The following KPNA3 variants were observed in gnomAD, a reference collection of about 807,000 sequenced individuals.
KPNA3 encodes karyopherin subunit alpha 3.
A neutral mutation model predicts 73.8 loss-of-function variants in KPNA3; 13 were observed. The ratio of observed to expected loss-of-function variants is 0.18; its 90% CI spans 0.11 to 0.28. The LOEUF (loss-of-function observed/expected upper bound fraction) is 0.28, where lower values mean the gene tolerates loss of function less well. KPNA3 is among the 10% of genes least tolerant of loss of function. The probability of loss-of-function intolerance (pLI) is 1.00; values close to 1 mark genes in which losing one functional copy is unlikely to be tolerated. For missense variants in KPNA3, 360 were observed against 618.1 expected, an observed-to-expected ratio of 0.58 and a Z score of 4.43; for synonymous variants, 186 against 206.9, an observed-to-expected ratio of 0.90 and a Z score of 0.87.
At chr13:49,788,995 G>GT (rs903100244) in intron 1 of KPNA3, among the ~76,000 whole-genome samples, 3 of 152,038 alleles carry the variant, frequency 2.0e-5, no homozygotes, top group Non-Finnish European at 4.4e-5. Context: ...CTCATTCCAG[G>GT]TTGTAGCCAT....
intron 2 of KPNA3, among the ~76,000 whole-genome samples, chr13:49,746,191 G>A (rs1954615726): frequency 6.6e-6 from 1 of 152,130 alleles, no homozygotes; most frequent in Admixed American, 6.5e-5. Flanking sequence ...GGCCAGGCAT[G>A]GCAGCTCACG....
intron 1 of KPNA3, among the ~76,000 whole-genome samples, chr13:49,785,148 T>G (rs1594465524): frequency 1.3e-5 from 2 of 150,338 alleles, no homozygotes. Flanking sequence ...CTTAAGGGGG[T>G]GGGGGAGGAA....
intron 15 of KPNA3, among the ~76,000 whole-genome samples, chr13:49,703,187 T>C (rs868868606): frequency 7.4e-4 from 99 of 133,352 alleles, no homozygotes; most frequent in African/African-American, 1.9e-3. Flanking sequence ...TTCTTTCTTT[T>C]TTTTTTTTTT....
intron 1 of KPNA3, among the ~76,000 whole-genome samples, chr13:49,771,175 A>G (rs1475423566): frequency 6.6e-6 from 1 of 151,978 alleles, no homozygotes; most frequent in Non-Finnish European, 1.5e-5. Context: ...AAAGAATAGA[A>G]AAAAAGAAAA....
intron 1 of KPNA3, among the ~76,000 whole-genome samples, chr13:49,782,780 C>A (rs1032960835): frequency 1.3e-5 from 2 of 151,424 alleles, no homozygotes; most frequent in South Asian, 4.2e-4. Context: ...GAGGATCACT[C>A]GAGCCTGGGA....
intron 15 of KPNA3, among the ~76,000 whole-genome samples, chr13:49,704,193 G>A (rs563567708): frequency 2.1e-4 from 32 of 152,130 alleles, no homozygotes; most frequent in African/African-American, 6.5e-4. Context: ...AAGCCGAGGC[G>A]GGCAGATCAC....
At chr13:49,760,205 T>C (rs2137581653) in intron 1 of KPNA3, among the ~76,000 whole-genome samples, 1 of 150,240 alleles carries the variant, frequency 6.7e-6, no homozygotes, top group African/African-American at 2.4e-5. Flanking sequence ...AGCTCAGGAG[T>C]TCAAGACCAG....
At chr13:49,702,523 G>A (rs753027452) in intron 15 of KPNA3, 43 bp from the exon 16 acceptor site, 3 of 1,037,588 alleles carry the variant, frequency 2.9e-6, no homozygotes, top group Admixed American at 2.1e-5. Flanking sequence ...TAATTGATAA[G>A]GAGATACTAA....
At chr13:49,722,244 G>T in intron 8 of KPNA3, 120 bp from the exon 9 acceptor site, 1 of 756,288 alleles carries the variant, frequency 1.3e-6, no homozygotes, top group Non-Finnish European at 2.0e-6. Flanking sequence ...TTAGTCAAAG[G>T]CATCAAGTGT....
chr13:49,765,369 A>G (rs932254068), intron 1 of KPNA3, among the ~76,000 whole-genome samples: 3 of 152,248 alleles, frequency 2.0e-5, no homozygotes, highest in African/African-American at 7.2e-5. Flanking sequence ...TCAATACAGC[A>G]ATGTGGAACC....
chr13:49,744,590 T>C (rs1290155057), intron 2 of KPNA3, among the ~76,000 whole-genome samples: 1 of 152,204 alleles, frequency 6.6e-6, no homozygotes, highest in Non-Finnish European at 1.5e-5. Flanking sequence ...GAAAATATTC[T>C]ATGTTGTGAG....
At chr13:49,724,449 G>A (rs1222763812) in intron 7 of KPNA3, among the ~76,000 whole-genome samples, 6 of 151,708 alleles carry the variant, frequency 4.0e-5, no homozygotes, top group African/African-American at 1.5e-4. Context: ...GACTACAGGC[G>A]CCCGCCACCA....
At chr13:49,791,093 G>A (rs1955029226) in intron 1 of KPNA3, among the ~76,000 whole-genome samples, 2 of 152,160 alleles carry the variant, frequency 1.3e-5, no homozygotes, top group Non-Finnish European at 2.9e-5. Context: ...TCATTTAAAT[G>A]GGAATTCCAC....
chr13:49,734,938 T>TAG (rs1377926602), intron 2 of KPNA3, among the ~76,000 whole-genome samples: 149 of 146,704 alleles, frequency 1.0e-3, no homozygotes, highest in East Asian at 8.2e-3. Context: ...TATATATATA[T>TAG]AGAGAGAGAG....
intron 9 of KPNA3, among the ~76,000 whole-genome samples, chr13:49,721,168 GA>G (rs1397957516): frequency 2.0e-5 from 3 of 150,936 alleles, no homozygotes; most frequent in Non-Finnish European, 3.0e-5. Flanking sequence ...GCAGTGAGCT[GA>G]GATCATGCCA....
intron 6 of KPNA3, among the ~76,000 whole-genome samples, chr13:49,730,106 A>G (rs939280615): frequency 6.6e-6 from 1 of 152,216 alleles, no homozygotes; most frequent in African/African-American, 2.4e-5. Context: ...ATAATTATTC[A>G]TTAAGCTGTA....
At chr13:49,781,877 A>C (rs1954943333) in intron 1 of KPNA3, among the ~76,000 whole-genome samples, 1 of 152,248 alleles carries the variant, frequency 6.6e-6, no homozygotes, top group South Asian at 2.1e-4. Context: ...AATAAAGGGA[A>C]GAGTGAATTT....
intron 6 of KPNA3, among the ~76,000 whole-genome samples, chr13:49,730,044 C>T (rs967696280): frequency 5.9e-5 from 9 of 152,098 alleles, no homozygotes; most frequent in Non-Finnish European, 1.0e-4. Context: ...ATCCAAATCA[C>T]GGAAAATTTT....
rs529825156 is a variant in KPNA3 at position 49,737,300 on chromosome 13, A to AT, written c.115-4255dup. On this transcript the variant is annotated intron_variant, in intron 2 of 16. Transcript: ENST00000261667. ...AACTGTTTTCCGGAGTGACTGTACC[A>AT]TTTTACATTTCCACCACTAACATGA... is the stretch of plus-strand genomic sequence containing the variant. Among the ~76,000 whole-genome samples the AT allele has an allele frequency of 1.5e-4, 23 of 152,246 alleles. No homozygotes were observed. In the South Asian group the frequency reaches 4.6e-3, roughly 30 times the overall value.
Sources: allele counts gnomAD v4.1 joint callset (sites outside exome capture counted in the v4.1 genomes callset), GRCh38; gene constraint gnomAD v4.1.1; transcripts MANE v1.5; gene names NCBI Gene and HGNC (gene_info 2026-07-23, HGNC 2026-07-21).